Variants in GLRX2 observed in about 807,000 individuals in gnomAD.
GLRX2 encodes the protein glutaredoxin 2.
In GLRX2, 12 loss-of-function variants were observed where a neutral mutation model predicts 16.4. That is an observed-to-expected ratio of 0.73 (90% CI 0.47 to 1.19). The LOEUF is 1.19. Among genes scored for constraint, GLRX2 ranks in the 50% most tolerant of loss-of-function variants. The pLI, the probability that GLRX2 is intolerant of heterozygous loss-of-function variation, is 0.00. For synonymous variants in GLRX2, 95 were observed against 76.2 expected, an observed-to-expected ratio of 1.25 and a Z score of -1.28; for missense variants, 201 against 201.8, an observed-to-expected ratio of 1.00 and a Z score of 0.02.
At chr1:193,104,948 C>T (rs772358617) in intron 1 of GLRX2, among the ~76,000 whole-genome samples, 1 of 152,282 alleles carries the variant, frequency 6.6e-6, no homozygotes, top group Non-Finnish European at 1.5e-5. Flanking sequence ...GAATCATTCG[C>T]TCTTTCAGAG....
intron 2 of GLRX2, 124 bp downstream of exon 2, chr1:193,101,017 T>C: frequency 1.4e-6 from 1 of 708,306 alleles, no homozygotes; most frequent in Non-Finnish European, 2.6e-6. Context: ...AAAATAAATA[T>C]TAATCTCTTA....
Position 193,097,611 on chromosome 1 carries a change from A to G in GLRX2, c.333T>C (p.Ala111=), listed in dbSNP as rs373471599. The G allele has an allele frequency of 7.3e-5, 117 of 1,608,366 alleles. No homozygotes were observed. The highest frequency in any genetic ancestry group is 9.4e-5 in the Non-Finnish European group (111 of 1,178,292). The part of the protein sequence containing the change: ...LLEYGNQFQD[A]LYKMTGERTV... ...TTCTTTCACCAGTCATTTTGTAAAG[A>G]GCATCTTGGAACTGGTTTCCATATT... Residue 111 remains alanine, a synonymous_variant, in exon 3 of 4, where the codon GCT becomes GCC. Transcript: ENST00000367439.
rs1675169398 is a variant in GLRX2, at chr1:193,105,323, CG to C, written c.59del (p.Ser20TrpfsTer33). ...CCGCCGCCCTGTCAAGCCAGCCTGC[CG>C]AGCCGCTCCTGCTCCAAACCAGCCG... Reference protein sequence around the residue: ...GTRLVWSRSGSAGWLDRAAGA... With the variant: ...GTRLVWSRSGXAGWLDRAAGA... On this transcript the variant is annotated frameshift_variant, in exon 1 of 4. Transcript: ENST00000367439. LOFTEE classifies it high-confidence loss of function. 6.6e-7 allele frequency: 1 copy of C among 1,517,240 alleles called. No individual in the cohort carries two copies. The highest frequency in any genetic ancestry group is 8.8e-7 in the Non-Finnish European group (1 of 1,141,910). 94.0% of individuals were successfully genotyped at this position (1,517,240 alleles called of 1,614,324 possible). A position where few individuals can be genotyped will look rare whatever the true frequency, so the allele number is the denominator to read the frequency against.
rs745497470 is a variant in GLRX2, at chr1:193,096,575, T to C, written c.*50A>G. 4.7e-6 allele frequency: 5 copies of C among 1,059,386 alleles called. No individual in the cohort carries two copies. The highest frequency in any genetic ancestry group is 7.0e-6 in the Non-Finnish European group (5 of 713,880). 65.6% of individuals were successfully genotyped at this position (1,059,386 alleles called of 1,614,324 possible). On this transcript the variant is annotated 3_prime_UTR_variant, in exon 4 of 4. Coordinates refer to ENST00000367439, the MANE Select transcript of GLRX2 (RefSeq NM_197962.3). ...ACATTTAAAAGACATTATCGGGCATTACCACTTTAAATAACTGACACTGTA... is the reference window on the plus strand; with the variant it reads ...ACATTTAAAAGACATTATCGGGCATCACCACTTTAAATAACTGACACTGTA...
At chr1:193,102,944 C>T (rs1307112147) in intron 1 of GLRX2, among the ~76,000 whole-genome samples, 1 of 152,172 alleles carries the variant, frequency 6.6e-6, no homozygotes, top group Non-Finnish European at 1.5e-5. Flanking sequence ...ACGCTTTAGT[C>T]AACAGCTGTC....
chr1:193,104,205 C>T (rs1050675390), intron 1 of GLRX2, among the ~76,000 whole-genome samples: 1 of 152,062 alleles, frequency 6.6e-6, no homozygotes, highest in Non-Finnish European at 1.5e-5. Context: ...TGGAAGACAC[C>T]CTTTCCCTTC....
chr1:193,105,473 G>A (rs770228849), upstream of GLRX2: 1 of 881,514 alleles, frequency 1.1e-6, no homozygotes. Context: ...GCCTTGCCCC[G>A]CCCCGTCCCG....
intron 3 of GLRX2, among the ~76,000 whole-genome samples, chr1:193,097,339 G>A (rs1209334997): frequency 6.6e-6 from 1 of 152,142 alleles, no homozygotes; most frequent in Non-Finnish European, 1.5e-5. Flanking sequence ...GGAACTCAAA[G>A]ATCCATAGAC....
chr1:193,103,410 G>A (rs1375912040), intron 1 of GLRX2, among the ~76,000 whole-genome samples: 1 of 152,164 alleles, frequency 6.6e-6, no homozygotes, highest in African/African-American at 2.4e-5. Context: ...AAAAAGCACT[G>A]GGCCTATGAG....
At chr1:193,103,398 C>T (rs186556296) in intron 1 of GLRX2, among the ~76,000 whole-genome samples, 7 of 152,234 alleles carry the variant, frequency 4.6e-5, no homozygotes, top group Admixed American at 2.0e-4. Context: ...ATGTGTTATG[C>T]CAAAAAGCAC....
At chr1:193,100,801 G>A (rs1269096132) in intron 2 of GLRX2, among the ~76,000 whole-genome samples, 1 of 152,156 alleles carries the variant, frequency 6.6e-6, no homozygotes, top group Non-Finnish European at 1.5e-5. Context: ...TGCTTCCCAG[G>A]CCAAAATCAA....
upstream of GLRX2, chr1:193,105,679 C>A: frequency 1.3e-6 from 2 of 1,566,230 alleles, no homozygotes; most frequent in South Asian, 1.2e-5. Flanking sequence ...TAGGGACGCT[C>A]ATAAAGGCTC....
At chr1:193,105,541 C>G, upstream of GLRX2, 1 of 1,590,946 alleles carries the variant, frequency 6.3e-7, no homozygotes, top group South Asian at 1.1e-5. Flanking sequence ...GCGCGTCCTC[C>G]CAGGGCTGCC....
intron 1 of GLRX2, 99 bp from the exon 2 acceptor site, chr1:193,101,303 C>A (rs975367230): frequency 5.1e-6 from 4 of 783,392 alleles, no homozygotes; most frequent in Non-Finnish European, 8.5e-6. Flanking sequence ...ACAAATATAG[C>A]CAAACTTACA....
In GLRX2 at chr1:193,097,646, C is replaced by G; in HGVS notation, c.298G>C (p.Asp100His). Reference sequence around the variant, plus strand: ...AACTGGTTTCCATATTCAAGCAGGTCCAGTTCCACCACTTTATAGTTAACA... The same window carrying G: ...AACTGGTTTCCATATTCAAGCAGGTGCAGTTCCACCACTTTATAGTTAACA... ...MNVNYKVVEL[D>H]LLEYGNQFQD... The change falls in exon 3 of 4, where the codon GAC becomes CAC. Residue 100 changes from aspartate (D) to histidine (H), a missense_variant. Physicochemically the swap from Asp to His is moderately conservative, Grantham distance 81. Transcript: ENST00000367439. 1 of 1,613,332 alleles carries G rather than the reference C, an allele frequency of 6.2e-7. No individual in the cohort carries two copies. Among genetic ancestry groups the G allele is most frequent in the Non-Finnish European group, 8.5e-7 (1 of 1,179,634 alleles).
chr1:193,104,925 A>G (rs1341430011), intron 1 of GLRX2, among the ~76,000 whole-genome samples: 1 of 152,282 alleles, frequency 6.6e-6, no homozygotes, highest in East Asian at 1.9e-4. Flanking sequence ...TATTTGGGAC[A>G]CACTTGGACT....
intron 3 of GLRX2, 21 bp downstream of exon 3, chr1:193,097,563 C>A: frequency 6.4e-7 from 1 of 1,567,000 alleles, no homozygotes; most frequent in South Asian, 1.2e-5. Flanking sequence ...AGAGGAACAG[C>A]ACCACAGAGG....
At chr1:193,104,087 A>G (rs977432693) in intron 1 of GLRX2, among the ~76,000 whole-genome samples, 2 of 152,154 alleles carry the variant, frequency 1.3e-5, no homozygotes, top group African/African-American at 4.8e-5. Flanking sequence ...ACCATCTACT[A>G]CAGCATTTAC....
At chr1:193,100,186 C>G (rs1228927624) in intron 2 of GLRX2, among the ~76,000 whole-genome samples, 1 of 152,106 alleles carries the variant, frequency 6.6e-6, no homozygotes, top group Non-Finnish European at 1.5e-5. Flanking sequence ...TTAAAAGAGG[C>G]AATTCAGGCC....
Sources: allele counts gnomAD v4.1 joint callset (sites outside exome capture counted in the v4.1 genomes callset), GRCh38; gene constraint gnomAD v4.1.1; transcripts MANE v1.5; gene names NCBI Gene and HGNC (gene_info 2026-07-23, HGNC 2026-07-21).